Variants in POU3F3 observed in about 807,000 individuals in gnomAD.
POU3F3 encodes the protein POU domain, class 3, transcription factor 3.
A neutral mutation model predicts 8.6 loss-of-function variants in POU3F3; 1 was observed. That is an observed-to-expected ratio of 0.12 (90% CI 0.04 to 0.55). POU3F3 has a LOEUF of 0.55. POU3F3 is among the 20% of genes least tolerant of loss of function. POU3F3 has a pLI of 0.91. For missense variants in POU3F3, 577 were observed against 690.7 expected, an observed-to-expected ratio of 0.84 and a Z score of 1.84; for synonymous variants, 418 against 327.4, an observed-to-expected ratio of 1.28 and a Z score of -2.99.
chr2:104,863,248 G>T (rs911888706), downstream of POU3F3, among the ~76,000 whole-genome samples: 1 of 150,220 alleles, frequency 6.7e-6, no homozygotes, highest in East Asian at 1.9e-4. Flanking sequence ...AGACTAAAGG[G>T]CAGTCAGCAG....
chr2:104,875,131 T>C, the POU3F3 span, among the ~76,000 whole-genome samples: 1 of 152,220 alleles, frequency 6.6e-6, no homozygotes, highest in Non-Finnish European at 1.5e-5. Context: ...CTTAACATCT[T>C]CCAGGTTCAT....
In POU3F3 at chr2:104,855,603, CGGCGGGGGT is replaced by C; in HGVS notation, c.99_107del (p.Gly41_Gly43del). The stretch of plus-strand genomic sequence containing the variant: ...ACTCGGACGCGGCAGGGGCTGGCGG[CGGCGGGGGT>C]GGCGGCGGCGGCGGCGGCGGGGGCG... On this transcript the variant is annotated inframe_deletion, in exon 1 of 1. Coordinates refer to ENST00000361360, the MANE Select transcript of POU3F3 (RefSeq NM_006236.3). The C allele has an allele frequency of 1.1e-6, 1 of 915,068 alleles. No individual in the cohort carries two copies. Among genetic ancestry groups the C allele is most frequent in the Non-Finnish European group, 1.3e-6 (1 of 797,794 alleles). 56.7% of individuals were successfully genotyped at this position (915,068 alleles called of 1,614,324 possible).
the POU3F3 span, among the ~76,000 whole-genome samples, chr2:104,869,018 A>G: frequency 2.0e-5 from 3 of 152,172 alleles, no homozygotes; most frequent in Non-Finnish European, 2.9e-5. Context: ...CAAAGAAAGA[A>G]CTGAAAACAG....
Position 104,854,907 on chromosome 2 carries a change from TA to T in POU3F3, c.-602del. On this transcript the variant is annotated 5_prime_UTR_variant, in exon 1 of 1. Transcript: ENST00000361360. The surrounding 1 kb of genome is among the most constrained non-coding windows in gnomAD (Gnocchi z 4.5). ...GAGCGGGCCGGTTGCTGGTCATCCG[TA>T]ATTTGGCTAAGGAAGAAAGGAGCAG... is the stretch of plus-strand genomic sequence containing the variant. 6.6e-6 allele frequency among the ~76,000 whole-genome samples: 1 copy of T among 152,236 alleles called. No homozygotes were observed. Among genetic ancestry groups the T allele is most frequent in the East Asian group, 1.9e-4 (1 of 5,166 alleles).
At chr2:104,853,300 G>A (rs73944982), upstream of POU3F3, 2,109 of 152,732 alleles carry the variant, frequency 0.014, 44 homozygotes, top group African/African-American at 0.048. Context: ...CGGCGGCAGC[G>A]AGCGGTCCGT....
In POU3F3 at chr2:104,854,375, C is replaced by G. The variant is rs1000510406; in HGVS notation, c.-1136C>G. Among the ~76,000 whole-genome samples the G allele has an allele frequency of 2.0e-5, 3 of 152,174 alleles. No individual in the cohort carries two copies. On this transcript the variant is annotated 5_prime_UTR_variant, in exon 1 of 1. Coordinates refer to ENST00000361360, the MANE Select transcript of POU3F3 (RefSeq NM_006236.3). This position sits in a 1 kb window ranked among gnomAD's most constrained non-coding sequence, Gnocchi z 4.5. ...TTGTTGTGTATCAAGGATCGATCCC[C>G]TATATGCACACACACACCTCCACCT...
At chr2:104,898,801 G>A in the POU3F3 span, among the ~76,000 whole-genome samples, 3 of 152,150 alleles carry the variant, frequency 2.0e-5, no homozygotes, top group South Asian at 6.2e-4. Context: ...TCACTAAAAG[G>A]TAAGCATTTT....
At chr2:104,864,109 G>A in the POU3F3 span, among the ~76,000 whole-genome samples, 21 of 152,320 alleles carry the variant, frequency 1.4e-4, no homozygotes, top group Non-Finnish European at 2.5e-4. Context: ...GCTCCCCCAG[G>A]CCCCGTCTCC....
At chr2:104,876,558 T>C in the POU3F3 span, among the ~76,000 whole-genome samples, 2 of 152,214 alleles carry the variant, frequency 1.3e-5, no homozygotes, top group Non-Finnish European at 2.9e-5. Context: ...GATCCTTTTT[T>C]CCCCTTTTTT....
chr2:104,924,908 G>A, the POU3F3 span, among the ~76,000 whole-genome samples: 2 of 152,134 alleles, frequency 1.3e-5, no homozygotes, highest in South Asian at 2.1e-4. Flanking sequence ...TTATGAAAAT[G>A]GCCCTGTGTA....
the POU3F3 span, among the ~76,000 whole-genome samples, chr2:104,915,641 T>C: frequency 6.6e-6 from 1 of 151,900 alleles, no homozygotes; most frequent in African/African-American, 2.4e-5. Flanking sequence ...CTACTCCAGT[T>C]CCTTACAGAC....
At chr2:104,860,089 T>C (rs1319287855), downstream of POU3F3, among the ~76,000 whole-genome samples, 1 of 152,174 alleles carries the variant, frequency 6.6e-6, no homozygotes, top group Admixed American at 6.5e-5. Context: ...TTTCAGGAGG[T>C]ATCTACTTAG....
At chr2:104,921,246 G>T in the POU3F3 span, among the ~76,000 whole-genome samples, 32 of 152,192 alleles carry the variant, frequency 2.1e-4, no homozygotes, top group African/African-American at 7.0e-4. Flanking sequence ...GTCCAAACTG[G>T]ATGCTCATGT....
At chr2:104,873,217 T>A in the POU3F3 span, among the ~76,000 whole-genome samples, 1 of 152,150 alleles carries the variant, frequency 6.6e-6, no homozygotes, top group Non-Finnish European at 1.5e-5. Context: ...AGAAAGGGGC[T>A]GTCGTGTGCG....
At chr2:104,901,005 G>C in the POU3F3 span, among the ~76,000 whole-genome samples, 1 of 152,174 alleles carries the variant, frequency 6.6e-6, no homozygotes, top group African/African-American at 2.4e-5. Context: ...TTTTCTGTGT[G>C]CTTAACTTGT....
chr2:104,909,999 A>G, the POU3F3 span, among the ~76,000 whole-genome samples: 3 of 152,168 alleles, frequency 2.0e-5, no homozygotes, highest in Non-Finnish European at 4.4e-5. Context: ...CATTACATAA[A>G]CAAGGATAAA....
chr2:104,861,683 C>T (rs1425789959), downstream of POU3F3, among the ~76,000 whole-genome samples: 1 of 152,230 alleles, frequency 6.6e-6, no homozygotes, highest in Non-Finnish European at 1.5e-5. Context: ...AGTCCAGCTA[C>T]TAACAGCATA....
At chr2:104,866,717 CTG>C in the POU3F3 span, 1 of 152,232 alleles carries the variant, frequency 6.6e-6, no homozygotes, top group African/African-American at 2.4e-5. Flanking sequence ...AATAGGAAGA[CTG>C]TGGGGAAATG....
the POU3F3 span, among the ~76,000 whole-genome samples, chr2:104,922,365 C>T: frequency 0.012 from 1,231 of 101,488 alleles, 22 homozygotes; most frequent in African/African-American, 0.043. Context: ...TAGACAAAGA[C>T]TTTAAAACAA....
Sources: allele counts gnomAD v4.1 joint callset (sites outside exome capture counted in the v4.1 genomes callset), GRCh38; gene constraint gnomAD v4.1.1; non-coding constraint Gnocchi (gnomAD v3.1); transcripts MANE v1.5; gene names NCBI Gene and HGNC (gene_info 2026-07-23, HGNC 2026-07-21).